The following PRICKLE2 variants were observed in gnomAD, a reference collection of about 807,000 sequenced individuals.
The protein encoded by PRICKLE2 is prickle-like protein 2.
Under a neutral mutation model 81.4 loss-of-function variants are expected in PRICKLE2, and 21 were observed. The ratio of observed to expected loss-of-function variants is 0.26; its 90% CI spans 0.18 to 0.37. The LOEUF (loss-of-function observed/expected upper bound fraction) is 0.37. Ranked by LOEUF, PRICKLE2 falls within the 10% of genes least tolerant of loss-of-function variation. PRICKLE2 has a pLI of 1.00. For missense variants in PRICKLE2, 940 were observed against 1,109.0 expected (o/e 0.85, Z 2.16); for synonymous variants, 456 against 421.5 (o/e 1.08, Z -1.00).
intron 2 of PRICKLE2, among the ~76,000 whole-genome samples, chr3:64,169,846 G>C (rs2077900247): frequency 6.6e-6 from 1 of 152,132 alleles, no homozygotes. Flanking sequence ...AAATGCACCT[G>C]AGCATCTCAG....
At chr3:64,257,557 G>A (rs969312714) in intron 2 of PRICKLE2, among the ~76,000 whole-genome samples, 4 of 152,206 alleles carry the variant, frequency 2.6e-5, no homozygotes, top group Non-Finnish European at 5.9e-5. Flanking sequence ...GAAAGGTGGA[G>A]TTGTGTCTTT....
At chr3:64,235,833 G>A (rs1451655564) in intron 2 of PRICKLE2, among the ~76,000 whole-genome samples, 15 of 152,182 alleles carry the variant, frequency 9.9e-5, no homozygotes, top group Admixed American at 7.2e-4. Context: ...CAGTGTGAAA[G>A]CATAGCCCGA....
In PRICKLE2 at chr3:64,099,201, G is replaced by A; in HGVS notation, c.2385C>T (p.Ile795=). The A allele has an allele frequency of 6.2e-7, 1 of 1,614,236 alleles. No homozygotes were observed. The highest frequency in any genetic ancestry group is 8.5e-7 in the Non-Finnish European group (1 of 1,180,040). The change falls in exon 8 of 8, where the codon ATC becomes ATT. Residue 795 remains isoleucine (I), a synonymous_variant. Transcript: ENST00000638394. This position sits in a 1 kb window ranked among gnomAD's most constrained non-coding sequence, Gnocchi z 4.3. The stretch of plus-strand genomic sequence containing the variant: ...CGTATCGCAGGCGCGCTGGCTGGGG[G>A]ATGGGTTCTCCTAGGAAATAGCCCT... The part of the protein sequence containing the change: ...DNEGYFLGEP[I]PQPARLRYVT...
At chr3:64,192,300 G>A (rs1008641858) in intron 2 of PRICKLE2, among the ~76,000 whole-genome samples, 18 of 152,168 alleles carry the variant, frequency 1.2e-4, no homozygotes, top group African/African-American at 3.1e-4. Context: ...GGAGGATTCC[G>A]AAACAAGAAA....
chr3:64,118,322 G>T (rs190557448), intron 7 of PRICKLE2, among the ~76,000 whole-genome samples: 1 of 151,904 alleles, frequency 6.6e-6, no homozygotes, highest in Admixed American at 6.6e-5. Flanking sequence ...AAGCAATTGC[G>T]ACAAAAGCAA....
chr3:64,188,721 C>T (rs1197313968), intron 2 of PRICKLE2, among the ~76,000 whole-genome samples: 1 of 152,200 alleles, frequency 6.6e-6, no homozygotes, highest in Non-Finnish European at 1.5e-5. Context: ...GGCCCCCTTC[C>T]TGTTTTTGTA....
At chr3:64,142,145 T>G (rs1400643688) in intron 7 of PRICKLE2, among the ~76,000 whole-genome samples, 1 of 152,142 alleles carries the variant, frequency 6.6e-6, no homozygotes, top group Non-Finnish European at 1.5e-5. Flanking sequence ...TGAGGAATGA[T>G]GAAGCTGTGC....
At chr3:64,216,109 C>A (rs2078868110) in intron 1 of PRICKLE2, among the ~76,000 whole-genome samples, 1 of 152,174 alleles carries the variant, frequency 6.6e-6, no homozygotes, top group South Asian at 2.1e-4. Flanking sequence ...TAGAAAAATG[C>A]TGCATTTCTC....
intron 6 of PRICKLE2, 145 bp downstream of exon 6, chr3:64,153,037 G>A: frequency 9.2e-6 from 8 of 867,376 alleles, no homozygotes; most frequent in Non-Finnish European, 1.4e-5. Flanking sequence ...CCTTTCTAGT[G>A]TCATGAATCA....
chr3:64,138,209 T>C (rs1054376063), intron 7 of PRICKLE2, among the ~76,000 whole-genome samples: 2 of 151,834 alleles, frequency 1.3e-5, no homozygotes, highest in Non-Finnish European at 3.0e-5. Context: ...CCTTTGAACA[T>C]TCTTCCTTCT....
intron 6 of PRICKLE2, among the ~76,000 whole-genome samples, chr3:64,149,745 T>A (rs1474204490): frequency 6.6e-6 from 1 of 152,172 alleles, no homozygotes; most frequent in Non-Finnish European, 1.5e-5. Context: ...CAGCCTACCT[T>A]TCTCCTCCCT....
chr3:64,233,971 T>C (rs1052743285), intron 2 of PRICKLE2, among the ~76,000 whole-genome samples: 1 of 152,212 alleles, frequency 6.6e-6, no homozygotes, highest in Non-Finnish European at 1.5e-5. Context: ...CTAGTGTATT[T>C]TTGGTTCATC....
intron 2 of PRICKLE2, among the ~76,000 whole-genome samples, chr3:64,265,364 T>A (rs1459731911): frequency 6.6e-6 from 1 of 152,018 alleles, no homozygotes; most frequent in African/African-American, 2.4e-5. Context: ...TTTTAGTAGC[T>A]AAAAAAAATC....
chr3:64,142,269 G>T (rs190059309), intron 7 of PRICKLE2, among the ~76,000 whole-genome samples: 20 of 149,458 alleles, frequency 1.3e-4, no homozygotes, highest in African/African-American at 4.7e-4. Flanking sequence ...TCTCAGGCTG[G>T]TTAGGAAAAA....
intron 1 of PRICKLE2, among the ~76,000 whole-genome samples, chr3:64,214,798 G>A (rs760216103): frequency 9.2e-5 from 14 of 152,130 alleles, no homozygotes; most frequent in Non-Finnish European, 1.6e-4. Context: ...CCCCCGCACT[G>A]CGTCCCAAGC....
At chr3:64,137,003 A>C (rs1388613488) in intron 7 of PRICKLE2, among the ~76,000 whole-genome samples, 1 of 152,244 alleles carries the variant, frequency 6.6e-6, no homozygotes, top group Non-Finnish European at 1.5e-5. Context: ...TGCAGGCCAC[A>C]AACTATTCAC....
chr3:64,189,817 A>AT (rs2078299607), intron 2 of PRICKLE2, among the ~76,000 whole-genome samples: 1 of 152,208 alleles, frequency 6.6e-6, no homozygotes, highest in South Asian at 2.1e-4. Context: ...CTAGCTATGA[A>AT]TTTAACATAT....
chr3:64,128,529 C>T (rs1414560955), intron 7 of PRICKLE2, among the ~76,000 whole-genome samples: 2 of 152,038 alleles, frequency 1.3e-5, no homozygotes, highest in South Asian at 4.1e-4. Flanking sequence ...GGGCGGATCA[C>T]AAGGTCAGGA....
chr3:64,136,794 A>T (rs969104291), intron 7 of PRICKLE2, among the ~76,000 whole-genome samples: 11 of 152,206 alleles, frequency 7.2e-5, no homozygotes, highest in African/African-American at 2.7e-4. Flanking sequence ...TCAATAAAAA[A>T]GGAAGTCAAA....
Sources: gnomAD v4.1 joint callset for allele counts (sites outside exome capture counted in the v4.1 genomes callset) on GRCh38, gnomAD v4.1.1 for gene constraint, Gnocchi (gnomAD v3.1) non-coding constraint, MANE v1.5 for transcripts, NCBI Gene and HGNC (gene_info 2026-07-23, HGNC 2026-07-21) for gene names.